PDPK1: variants seen among roughly 807,000 people sequenced by gnomAD.
PDPK1 encodes 3-phosphoinositide-dependent protein kinase 1.
A neutral mutation model predicts 39.8 loss-of-function variants in PDPK1; 7 were observed. The observed-to-expected ratio is 0.18, with a 90% CI of 0.10 to 0.33. PDPK1 has a LOEUF of 0.33. PDPK1 is among the 10% of genes least tolerant of loss of function. PDPK1 has a pLI of 1.00. For synonymous variants in PDPK1, 118 were observed against 159.1 expected, an observed-to-expected ratio of 0.74 and a Z score of 1.95; for missense variants, 182 against 384.7, an observed-to-expected ratio of 0.47 and a Z score of 4.41.
rs2067122019 is a variant in PDPK1 at position 2,597,247 on chromosome 16, A to G, written c.1526A>G (p.Lys509Arg). The change falls in exon 13 of 14, where the codon AAG becomes AGG. Residue 509 changes from lysine to arginine, a missense_variant. Physicochemically the swap from Lys to Arg is conservative, Grantham distance 26. This residue lies in a region of PDPK1 where 67 missense variants were observed against 87.8 expected (regional missense o/e 0.76). Coordinates refer to ENST00000342085, the MANE Select transcript of PDPK1 (RefSeq NM_002613.5). The surrounding 1 kb of genome is among the most constrained non-coding windows in gnomAD (Gnocchi z 6.3). ...PWSQELRPEA[K>R]NFKTFFVHTP... ...TCACAAGAACTTCGACCAGAGGCCA[A>G]GAATTTTAAAACTTTCTTTGTCCAC... 1 of 1,595,650 alleles carries G rather than the reference A, an allele frequency of 6.3e-7. No homozygotes were observed. The highest frequency in any genetic ancestry group is 8.6e-7 in the Non-Finnish European group (1 of 1,165,218).
At chr16:2,556,355 C>CTTTT (rs1283148302) in intron 1 of PDPK1, among the ~76,000 whole-genome samples, 2 of 140,660 alleles carry the variant, frequency 1.4e-5, no homozygotes, top group Admixed American at 7.1e-5. Flanking sequence ...TGCGCCCGGC[C>CTTTT]TATTTTTTTT....
chr16:2,596,124 C>T (rs926964192), intron 12 of PDPK1, among the ~76,000 whole-genome samples: 3 of 152,336 alleles, frequency 2.0e-5, no homozygotes, highest in East Asian at 1.9e-4. Context: ...GTTGAAGAGG[C>T]CACATGTGAT....
At chr16:2,592,665 A>T in intron 11 of PDPK1, 1 of 408,926 alleles carries the variant, frequency 2.4e-6, no homozygotes, top group Admixed American at 2.7e-5. Context: ...ACAGAGCGAG[A>T]CTCTGTCTTA....
At chr16:2,591,602 C>G (rs946930163) in intron 11 of PDPK1, among the ~76,000 whole-genome samples, 1 of 152,210 alleles carries the variant, frequency 6.6e-6, no homozygotes, top group African/African-American at 2.4e-5. Context: ...CCTCCCTTTT[C>G]TAGCTGTTTA....
At chr16:2,595,643 A>G (rs1487799507) in intron 11 of PDPK1, 150 bp from the exon 12 acceptor site, 1 of 674,962 alleles carries the variant, frequency 1.5e-6, no homozygotes, top group Non-Finnish European at 2.7e-6. Flanking sequence ...GCTGGGTTAC[A>G]TGTGGCGAAC....
chr16:2,538,866 A>G lies in PDPK1; in HGVS notation c.24+730A>G, dbSNP rs530202624. On this transcript the variant is annotated intron_variant, in intron 1 of 13. Coordinates refer to ENST00000342085, the MANE Select transcript of PDPK1 (RefSeq NM_002613.5). ...GCTGGTGTTTCTATATTTTCTCTCT[A>G]TCGCTAAAAGTATCCCTCGTGTTTT... The G allele has an allele frequency of 1.6e-4, 140 of 874,274 alleles. No individual in the cohort carries two copies. In the East Asian group the frequency reaches 2.8e-3, roughly 18 times the overall value. 54.2% of individuals were successfully genotyped at this position (874,274 alleles called of 1,614,324 possible).
rs2067246555 is a variant in PDPK1, at chr16:2,602,886, A to G, written c.*5119A>G. On this transcript the variant is annotated 3_prime_UTR_variant, in exon 14 of 14. Coordinates refer to ENST00000342085, the MANE Select transcript of PDPK1 (RefSeq NM_002613.5). ...GCTGGCTATTGTTGGCCTCTAGTTCAGTCTGTGTTATTTAAATTCTAATAT... is the reference window on the plus strand; with the variant it reads ...GCTGGCTATTGTTGGCCTCTAGTTCGGTCTGTGTTATTTAAATTCTAATAT... 2 of 232,962 alleles carry G rather than the reference A, an allele frequency of 8.6e-6. No homozygotes were observed. Among genetic ancestry groups the G allele is most frequent in the Non-Finnish European group, 1.7e-5 (2 of 117,616 alleles). The allele number at this position is 232,962 out of a possible 1,614,324, so 14.4% of individuals were successfully genotyped here. A position where few individuals can be genotyped will look rare whatever the true frequency, so the allele number is the denominator to read the frequency against.
rs967921127 is a variant in PDPK1, at chr16:2,580,326, A to G, written c.786-969A>G. The stretch of plus-strand genomic sequence containing the variant: ...GTGTCTGATGCGCCACCCAACCTGC[A>G]TGGGCAGGAGGAGGTCTCTTTGCCT... On this transcript the variant is annotated intron_variant, in intron 7 of 13. Transcript: ENST00000342085. 4.8e-5 allele frequency among the ~76,000 whole-genome samples: 7 copies of G among 145,076 alleles called. 1 individual carries two copies. The highest frequency in any genetic ancestry group is 1.9e-4 in the African/African-American group (7 of 36,740).
chr16:2,597,361 G>GGGAGCAGCGGGGATC lies in PDPK1; in HGVS notation c.1554+89_1554+103dup. On this transcript the variant is annotated intron_variant, in intron 13 of 13. Coordinates refer to ENST00000342085, the MANE Select transcript of PDPK1 (RefSeq NM_002613.5). The surrounding 1 kb of genome is among the most constrained non-coding windows in gnomAD (Gnocchi z 6.3). ...GAAGCAGCCACAGGCCTTGGCCAGA[G>GGGAGCAGCGGGGATC]GGAGCAGCGGGGATCGGGGCAGCTG... The GGGAGCAGCGGGGATC allele has an allele frequency of 8.3e-7, 1 of 1,200,694 alleles. No homozygotes were observed. The highest frequency in any genetic ancestry group is 1.2e-6 in the Non-Finnish European group (1 of 846,234). 74.4% of individuals were successfully genotyped at this position (1,200,694 alleles called of 1,614,324 possible).
intron 11 of PDPK1, among the ~76,000 whole-genome samples, chr16:2,587,162 C>G (rs992162669): frequency 1.3e-5 from 2 of 152,204 alleles, no homozygotes; most frequent in African/African-American, 4.8e-5. Context: ...GTGGTATGGA[C>G]AGACGCGGCC....
chr16:2,596,082 C>T (rs564068680), intron 12 of PDPK1, among the ~76,000 whole-genome samples: 3 of 152,338 alleles, frequency 2.0e-5, no homozygotes, highest in African/African-American at 7.2e-5. Context: ...CTCCTGGGAG[C>T]CTGGGGCTGC....
chr16:2,559,944 G>C (rs1341677040), intron 2 of PDPK1, among the ~76,000 whole-genome samples: 1 of 151,544 alleles, frequency 6.6e-6, no homozygotes, highest in Non-Finnish European at 1.5e-5. Flanking sequence ...CAGATTACAT[G>C]TGTTACCCTC....
intron 12 of PDPK1, among the ~76,000 whole-genome samples, chr16:2,596,360 C>CT (rs1198295539): frequency 1.3e-5 from 2 of 152,054 alleles, no homozygotes; most frequent in African/African-American, 4.8e-5. Flanking sequence ...CCCGGCTAAT[C>CT]TTTTTTTGTA....
At chr16:2,595,676 A>C (rs2067086659) in intron 11 of PDPK1, 117 bp from the exon 12 acceptor site, 1 of 781,376 alleles carries the variant, frequency 1.3e-6, no homozygotes, top group East Asian at 2.5e-5. Flanking sequence ...TCCCAAAGTG[A>C]GGCTGGCTCT....
rs375635017 is a variant in PDPK1, at chr16:2,597,952, A to G, written c.*185A>G. 1 of 583,132 alleles carries G rather than the reference A, an allele frequency of 1.7e-6. No homozygotes were observed. The allele number at this position is 583,132 out of a possible 1,614,324, so 36.1% of individuals were successfully genotyped here. A position where few individuals can be genotyped will look rare whatever the true frequency, so the allele number is the denominator to read the frequency against. On this transcript the variant is annotated 3_prime_UTR_variant, in exon 14 of 14. Coordinates refer to ENST00000342085, the MANE Select transcript of PDPK1 (RefSeq NM_002613.5). This position sits in a 1 kb window ranked among gnomAD's most constrained non-coding sequence, Gnocchi z 6.3. ...AACACCCAACCACACAAAGAACAAA[A>G]CCAGTAACAAACACAAAGGAATTCA...
intron 10 of PDPK1, among the ~76,000 whole-genome samples, chr16:2,585,760 A>AG (rs2066859000): frequency 6.6e-6 from 1 of 152,174 alleles, no homozygotes; most frequent in Admixed American, 6.5e-5. Context: ...TAGGGCTGTG[A>AG]GGCGGGGCTG....
intron 10 of PDPK1, among the ~76,000 whole-genome samples, chr16:2,586,443 C>G (rs1435808072): frequency 6.6e-6 from 1 of 152,270 alleles, no homozygotes. Context: ...CTTCGCCCCT[C>G]TCTGGCCCTG....
Position 2,597,335 on chromosome 16 carries a change from G to A in PDPK1, c.1554+60G>A. ...TAATGGGAGGGCTTTGCACCACGTG[G>A]GAAGCAGCCACAGGCCTTGGCCAGA... On this transcript the variant is annotated intron_variant, in intron 13 of 13. Coordinates refer to ENST00000342085, the MANE Select transcript of PDPK1 (RefSeq NM_002613.5). This position sits in a 1 kb window ranked among gnomAD's most constrained non-coding sequence, Gnocchi z 6.3. 2 of 1,435,682 alleles carry A rather than the reference G, an allele frequency of 1.4e-6. No individual in the cohort carries two copies. Among genetic ancestry groups the A allele is most frequent in the East Asian group, 2.3e-5 (1 of 43,292 alleles). The allele number at this position is 1,435,682 out of a possible 1,614,324, so 88.9% of individuals were successfully genotyped here.
At chr16:2,545,357 A>C (rs1462418471) in intron 1 of PDPK1, among the ~76,000 whole-genome samples, 1 of 150,182 alleles carries the variant, frequency 6.7e-6, no homozygotes, top group Non-Finnish European at 1.5e-5. Flanking sequence ...TTAGAGACAG[A>C]GTTTTGCTCT....
Sources: gnomAD v4.1 joint callset for allele counts (sites outside exome capture counted in the v4.1 genomes callset) on GRCh38, gnomAD v4.1.1 for gene constraint, gnomAD v4.1.1 regional missense constraint, Gnocchi (gnomAD v3.1) non-coding constraint, MANE v1.5 for transcripts, NCBI Gene and HGNC (gene_info 2026-07-23, HGNC 2026-07-21) for gene names.